MAGI2: variants seen among roughly 807,000 people sequenced by gnomAD.
The protein encoded by MAGI2 is membrane associated guanylate kinase, WW and PDZ domain containing 2.
MAGI2 carries 35 observed loss-of-function variants against 133.3 expected under a neutral mutation model. The observed-to-expected ratio is 0.26, with a 90% CI of 0.20 to 0.35. MAGI2 has a LOEUF of 0.35. Ranked by LOEUF, MAGI2 falls within the 10% of genes least tolerant of loss-of-function variation. The probability of loss-of-function intolerance (pLI) is 1.00; values close to 1 mark genes in which losing one functional copy is unlikely to be tolerated. For synonymous variants in MAGI2, 729 were observed against 710.6 expected, an observed-to-expected ratio of 1.03 and a Z score of -0.41; for missense variants, 1,636 against 1,863.4, an observed-to-expected ratio of 0.88 and a Z score of 2.25.
chr7:78,836,096 C>A (rs1034004523), intron 2 of MAGI2, among the ~76,000 whole-genome samples: 3 of 152,188 alleles, frequency 2.0e-5, no homozygotes, highest in Admixed American at 2.0e-4. Flanking sequence ...TAGCAGACGT[C>A]AGCATATTTT....
chr7:79,136,665 A>G (rs985394507), intron 1 of MAGI2, among the ~76,000 whole-genome samples: 1 of 152,160 alleles, frequency 6.6e-6, no homozygotes, highest in African/African-American at 2.4e-5. Flanking sequence ...TGGATTTTTG[A>G]AAATTATTTG....
At chr7:78,110,609 G>A (rs1819261649) in intron 20 of MAGI2, among the ~76,000 whole-genome samples, 2 of 152,206 alleles carry the variant, frequency 1.3e-5, no homozygotes, top group Admixed American at 1.3e-4. Context: ...TCCCCATATG[G>A]AGAAGTACTT....
chr7:78,956,267 T>G (rs1325265228), intron 2 of MAGI2, among the ~76,000 whole-genome samples: 1 of 152,154 alleles, frequency 6.6e-6, no homozygotes, highest in African/African-American at 2.4e-5. Flanking sequence ...TCTCATCATA[T>G]TTGCATTATG....
chr7:78,948,188 T>C (rs1035352506), intron 2 of MAGI2, among the ~76,000 whole-genome samples: 4 of 152,088 alleles, frequency 2.6e-5, no homozygotes, highest in Admixed American at 1.3e-4. Context: ...ATTAAATATA[T>C]GTTATTGACA....
intron 2 of MAGI2, among the ~76,000 whole-genome samples, chr7:78,903,751 T>C (rs1043115202): frequency 6.6e-6 from 1 of 150,930 alleles, no homozygotes; most frequent in Non-Finnish European, 1.5e-5. Context: ...TGTGTGTGCG[T>C]GTGTGCATAG....
chr7:78,954,935 A>G (rs1802169955), intron 2 of MAGI2, among the ~76,000 whole-genome samples: 1 of 152,192 alleles, frequency 6.6e-6, no homozygotes, highest in Non-Finnish European at 1.5e-5. Flanking sequence ...CTTACACAGT[A>G]CAGTCTATTA....
chr7:78,798,678 A>G (rs946563951), intron 2 of MAGI2, among the ~76,000 whole-genome samples: 5 of 152,134 alleles, frequency 3.3e-5, no homozygotes, highest in African/African-American at 1.2e-4. Context: ...CCAATGGAGA[A>G]CGGCCCATTC....
At chr7:78,037,736 T>C (rs3807789) in intron 21 of MAGI2, among the ~76,000 whole-genome samples, 27,536 of 152,122 alleles carry the variant, frequency 0.18, 3,224 homozygotes, top group African/African-American at 0.33. Flanking sequence ...CCCTCCTGTG[T>C]CAGCAACCCC....
intron 1 of MAGI2, among the ~76,000 whole-genome samples, chr7:79,203,510 CAA>C (rs1363697029): frequency 6.6e-6 from 1 of 151,720 alleles, no homozygotes; most frequent in African/African-American, 2.4e-5. Flanking sequence ...TAGATAATGA[CAA>C]AGAAAAAAAC....
At chr7:78,341,614 C>A (rs962700479) in intron 9 of MAGI2, among the ~76,000 whole-genome samples, 2 of 151,638 alleles carry the variant, frequency 1.3e-5, no homozygotes, top group African/African-American at 4.8e-5. Context: ...AACAGATACA[C>A]AGGCCAATGG....
chr7:78,424,130 C>T (rs887340729), intron 6 of MAGI2, among the ~76,000 whole-genome samples: 2 of 152,106 alleles, frequency 1.3e-5, no homozygotes, highest in Non-Finnish European at 2.9e-5. Context: ...GTTTTGTGGG[C>T]CAGGCCAAGG....
intron 4 of MAGI2, among the ~76,000 whole-genome samples, chr7:78,520,328 T>A (rs9692191): frequency 0.054 from 8,218 of 152,208 alleles, 357 homozygotes; most frequent in African/African-American, 0.11. Flanking sequence ...ATGAAGTTTT[T>A]CGCTGATAAA....
chr7:78,708,782 T>C (rs1217495499), intron 2 of MAGI2, among the ~76,000 whole-genome samples: 1 of 152,126 alleles, frequency 6.6e-6, no homozygotes, highest in African/African-American at 2.4e-5. Flanking sequence ...ATTTCATGAA[T>C]GAGTAACCCC....
intron 6 of MAGI2, among the ~76,000 whole-genome samples, chr7:78,407,707 C>T (rs917380364): frequency 1.3e-5 from 2 of 151,330 alleles, no homozygotes; most frequent in Non-Finnish European, 2.9e-5. Flanking sequence ...TTGGCTTTAA[C>T]ATCTTTGAAG....
At chr7:78,562,117 G>A (rs1194645054) in intron 3 of MAGI2, among the ~76,000 whole-genome samples, 1 of 152,136 alleles carries the variant, frequency 6.6e-6, no homozygotes, top group Non-Finnish European at 1.5e-5. Flanking sequence ...ATGTGGCAGT[G>A]ATGTACATAA....
chr7:79,135,989 A>AAGACAGAGAG (rs1281715899), intron 1 of MAGI2, among the ~76,000 whole-genome samples: 8 of 47,794 alleles, frequency 1.7e-4, no homozygotes, highest in African/African-American at 3.7e-4. Flanking sequence ...GAAAGAAAGA[A>AAGACAGAGAG]AGAAAGAAAG....
chr7:78,942,502 A>C (rs1392154845), intron 2 of MAGI2, among the ~76,000 whole-genome samples: 1 of 152,154 alleles, frequency 6.6e-6, no homozygotes, highest in Non-Finnish European at 1.5e-5. Flanking sequence ...CAAAAACTAC[A>C]GCTGCTCCCT....
intron 2 of MAGI2, among the ~76,000 whole-genome samples, chr7:78,740,669 C>A (rs56161537): frequency 0.044 from 6,723 of 152,126 alleles, 217 homozygotes; most frequent in Non-Finnish European, 0.067. Flanking sequence ...TACTAGAGAC[C>A]AGTCAATTAA....
chr7:78,580,246 G>A (rs1802696741), intron 3 of MAGI2, among the ~76,000 whole-genome samples: 1 of 152,130 alleles, frequency 6.6e-6, no homozygotes, highest in Non-Finnish European at 1.5e-5. Context: ...GAATCTGACA[G>A]TACAGAGCAA....
Sources: gnomAD v4.1 joint callset for allele counts (sites outside exome capture counted in the v4.1 genomes callset) on GRCh38, gnomAD v4.1.1 for gene constraint, MANE v1.5 for transcripts, NCBI Gene and HGNC (gene_info 2026-07-23, HGNC 2026-07-21) for gene names.